Variants in SGMS1 observed in about 807,000 individuals in gnomAD.
The protein encoded by SGMS1 is phosphatidylcholine:ceramide cholinephosphotransferase 1.
Under a neutral mutation model 46.2 loss-of-function variants are expected in SGMS1, and 13 were observed. The ratio of observed to expected loss-of-function variants is 0.28; its 90% CI spans 0.18 to 0.45. SGMS1 has a LOEUF of 0.45. Ranked by LOEUF, SGMS1 falls within the 20% of genes least tolerant of loss-of-function variation. SGMS1 has a pLI of 1.00. For missense variants in SGMS1, 324 were observed against 519.9 expected, an observed-to-expected ratio of 0.62 and a Z score of 3.66; for synonymous variants, 203 against 187.8, an observed-to-expected ratio of 1.08 and a Z score of -0.66.
chr10:50,351,607 T>C (rs1314717989), intron 6 of SGMS1, among the ~76,000 whole-genome samples: 2 of 152,144 alleles, frequency 1.3e-5, no homozygotes, highest in Non-Finnish European at 2.9e-5. Context: ...AGTGAATAAG[T>C]CTCATGAGAT....
chr10:50,405,401 C>T (rs147571038), intron 6 of SGMS1, among the ~76,000 whole-genome samples: 2 of 152,224 alleles, frequency 1.3e-5, no homozygotes, highest in East Asian at 1.9e-4. Context: ...GGAGATAGAT[C>T]GAGTATCAAC....
At chr10:50,478,467 C>T (rs983124818) in intron 3 of SGMS1, among the ~76,000 whole-genome samples, 2 of 152,142 alleles carry the variant, frequency 1.3e-5, no homozygotes, top group South Asian at 2.1e-4. Context: ...CTATCTATCC[C>T]TTGATAAGAC....
intron 1 of SGMS1, among the ~76,000 whole-genome samples, chr10:50,593,496 AT>A (rs1002524730): frequency 5.9e-5 from 9 of 151,624 alleles, no homozygotes; most frequent in African/African-American, 2.2e-4. Context: ...CAGTGTTTAA[AT>A]TTTTTTTTCT....
chr10:50,404,052 A>G (rs1038433883), intron 6 of SGMS1, among the ~76,000 whole-genome samples: 3 of 152,110 alleles, frequency 2.0e-5, no homozygotes, highest in Non-Finnish European at 2.9e-5. Context: ...CTAATTTAAA[A>G]TGAGCTCATA....
chr10:50,624,313 C>CA (rs2131955640), upstream of SGMS1, among the ~76,000 whole-genome samples: 1 of 152,052 alleles, frequency 6.6e-6, no homozygotes, highest in South Asian at 2.1e-4. Flanking sequence ...AACGCAAACT[C>CA]AGCCTGCTGG....
chr10:50,447,664 C>T (rs1211373), intron 5 of SGMS1, among the ~76,000 whole-genome samples: 130,483 of 152,238 alleles, frequency 0.86, 56,158 homozygotes, highest in East Asian at 1. Context: ...ATGTTTATCA[C>T]GTATAACATG....
intron 2 of SGMS1, among the ~76,000 whole-genome samples, chr10:50,587,356 C>T (rs946373733): frequency 6.6e-6 from 1 of 152,132 alleles, no homozygotes; most frequent in Non-Finnish European, 1.5e-5. Context: ...TGTCATTGGC[C>T]GGGCGTGGCA....
At chr10:50,393,049 G>T (rs1437353112) in intron 6 of SGMS1, among the ~76,000 whole-genome samples, 5 of 151,206 alleles carry the variant, frequency 3.3e-5, no homozygotes, top group Admixed American at 2.6e-4. Flanking sequence ...TGAAATTAAA[G>T]AATAAGTCAA....
intron 2 of SGMS1, among the ~76,000 whole-genome samples, chr10:50,565,991 G>A (rs1838285060): frequency 6.6e-6 from 1 of 152,238 alleles, no homozygotes; most frequent in Non-Finnish European, 1.5e-5. Flanking sequence ...CAGCACAATG[G>A]TAGCTCACTG....
chr10:50,596,873 A>C (rs891846452), intron 1 of SGMS1, among the ~76,000 whole-genome samples: 1 of 152,200 alleles, frequency 6.6e-6, no homozygotes, highest in Admixed American at 6.5e-5. Flanking sequence ...TCATACACTG[A>C]CTTGCTTAAA....
intron 6 of SGMS1, among the ~76,000 whole-genome samples, chr10:50,371,525 G>A (rs1848435297): frequency 6.6e-6 from 1 of 152,130 alleles, no homozygotes. Context: ...TCCTGCCTTT[G>A]TATGGTGGAG....
intron 2 of SGMS1, among the ~76,000 whole-genome samples, chr10:50,539,064 G>A (rs572240990): frequency 1.3e-4 from 20 of 152,332 alleles, no homozygotes; most frequent in Admixed American, 3.3e-4. Context: ...CAGGGCAAGC[G>A]TTCTTGCCAT....
intron 3 of SGMS1, among the ~76,000 whole-genome samples, chr10:50,518,096 T>C (rs1417200966): frequency 6.6e-6 from 1 of 152,138 alleles, no homozygotes; most frequent in Non-Finnish European, 1.5e-5. Context: ...CTCTATACAA[T>C]AAAATTGACT....
intron 5 of SGMS1, among the ~76,000 whole-genome samples, chr10:50,440,979 T>C (rs1459097599): frequency 1.3e-5 from 2 of 152,242 alleles, no homozygotes; most frequent in Non-Finnish European, 2.9e-5. Flanking sequence ...TGAGGCATGT[T>C]AACATTACTA....
intron 3 of SGMS1, among the ~76,000 whole-genome samples, chr10:50,474,975 C>T (rs894936784): frequency 1.3e-5 from 2 of 152,156 alleles, no homozygotes; most frequent in African/African-American, 4.8e-5. Context: ...GAGTCTGAAA[C>T]TGTGAGTATT....
chr10:50,347,696 G>A (rs999712651), intron 6 of SGMS1, among the ~76,000 whole-genome samples: 1 of 152,094 alleles, frequency 6.6e-6, no homozygotes, highest in African/African-American at 2.4e-5. Context: ...TTTTCACCTA[G>A]GTTCTTCATT....
chr10:50,548,519 T>C (rs1838120779), intron 2 of SGMS1, among the ~76,000 whole-genome samples: 1 of 152,180 alleles, frequency 6.6e-6, no homozygotes, highest in Non-Finnish European at 1.5e-5. Context: ...TGCAGAAAAC[T>C]GAAACTGGAC....
intron 6 of SGMS1, among the ~76,000 whole-genome samples, chr10:50,359,494 A>T (rs911011751): frequency 6.6e-6 from 1 of 152,174 alleles, no homozygotes; most frequent in Admixed American, 6.5e-5. Context: ...TATACCATGG[A>T]CATGTTTATA....
chr10:50,326,591 C>T (rs560297042), intron 8 of SGMS1, among the ~76,000 whole-genome samples: 2 of 152,270 alleles, frequency 1.3e-5, no homozygotes, highest in East Asian at 1.9e-4. Flanking sequence ...AGAGTTCCAA[C>T]GATCACCCTA....
Sources: gnomAD v4.1 joint callset for allele counts (sites outside exome capture counted in the v4.1 genomes callset) on GRCh38, gnomAD v4.1.1 for gene constraint, MANE v1.5 for transcripts, NCBI Gene and HGNC (gene_info 2026-07-23, HGNC 2026-07-21) for gene names.